PPP3CA: variants seen among roughly 807,000 people sequenced by gnomAD.
PPP3CA encodes protein phosphatase 3 catalytic subunit alpha, also known as CAM-PRP catalytic subunit.
A neutral mutation model predicts 66.5 loss-of-function variants in PPP3CA; 14 were observed. The ratio of observed to expected loss-of-function variants is 0.21; its 90% CI spans 0.14 to 0.33. PPP3CA has a LOEUF of 0.33. Ranked by LOEUF, PPP3CA falls within the 10% of genes least tolerant of loss-of-function variation. PPP3CA has a pLI of 1.00. For missense variants in PPP3CA, 317 were observed against 639.5 expected (o/e 0.50, Z 5.44); for synonymous variants, 232 against 226.2 (o/e 1.03, Z -0.23).
At chr4:101,171,280 A>G (rs1723869500) in intron 2 of PPP3CA, 1 of 453,892 alleles carries the variant, frequency 2.2e-6, no homozygotes, top group Non-Finnish European at 4.4e-6. Flanking sequence ...CCACAATAGG[A>G]GCTAAACATG....
intron 1 of PPP3CA, among the ~76,000 whole-genome samples, chr4:101,294,544 A>ATAT (rs10635787): frequency 0.87 from 132,604 of 152,034 alleles, 58,123 homozygotes; most frequent in African/African-American, 0.97. Context: ...TTAATCATTT[A>ATAT]TATTAAGGCC....
intron 10 of PPP3CA, among the ~76,000 whole-genome samples, chr4:101,048,221 G>A (rs1000348402): frequency 1.3e-5 from 2 of 152,134 alleles, no homozygotes; most frequent in African/African-American, 4.8e-5. Context: ...TCCAGCCAAG[G>A]TGCCTTCTCA....
At chr4:101,032,621 A>AGAT (rs1162772162) in intron 11 of PPP3CA, among the ~76,000 whole-genome samples, 3 of 152,128 alleles carry the variant, frequency 2.0e-5, no homozygotes, top group African/African-American at 4.8e-5. Flanking sequence ...TATCGAAGCT[A>AGAT]GATAGATAAA....
At chr4:101,256,073 C>T (rs1309177370) in intron 1 of PPP3CA, among the ~76,000 whole-genome samples, 1 of 151,890 alleles carries the variant, frequency 6.6e-6, no homozygotes, top group African/African-American at 2.4e-5. Context: ...TGCCCCTGAA[C>T]AGGGGTGCTG....
intron 2 of PPP3CA, among the ~76,000 whole-genome samples, chr4:101,159,934 T>TA (rs1347103925): frequency 1.3e-5 from 2 of 152,102 alleles, no homozygotes; most frequent in African/African-American, 4.8e-5. Flanking sequence ...GTATTATTCT[T>TA]AAAGTTACAA....
At chr4:101,026,082 A>T (rs540451049) in intron 13 of PPP3CA, 21 bp from the exon 14 acceptor site, 1 of 1,564,996 alleles carries the variant, frequency 6.4e-7, no homozygotes. Context: ...AATCATTAAA[A>T]AAAGAAAACC....
At chr4:101,328,562 A>G (rs1729275532) in intron 1 of PPP3CA, among the ~76,000 whole-genome samples, 2 of 152,222 alleles carry the variant, frequency 1.3e-5, no homozygotes, top group Non-Finnish European at 2.9e-5. Flanking sequence ...CAACAAAAAT[A>G]TGAAAATGAA....
intron 2 of PPP3CA, among the ~76,000 whole-genome samples, chr4:101,134,281 A>C (rs1003345691): frequency 5.3e-5 from 8 of 152,222 alleles, no homozygotes; most frequent in Admixed American, 5.2e-4. Context: ...AGCAAAAGAA[A>C]CTATCATCAG....
chr4:101,242,660 G>A lies in PPP3CA; in HGVS notation c.59-46544C>T, dbSNP rs11941702. Reference sequence around the variant, plus strand: ...ACATTAAGAAATCTGGGCCAGGTGTGGTTGCTCATGCCTGTAATTTTGGGA... The same window carrying A: ...ACATTAAGAAATCTGGGCCAGGTGTAGTTGCTCATGCCTGTAATTTTGGGA... On this transcript the variant is annotated intron_variant, in intron 1 of 13. Coordinates refer to ENST00000394854, the MANE Select transcript of PPP3CA (RefSeq NM_000944.5). Among the ~76,000 whole-genome samples the A allele has an allele frequency of 2.7e-3, 413 of 152,168 alleles. 4 individuals carry two copies. The highest frequency in any genetic ancestry group is 9.1e-3 in the African/African-American group (379 of 41,518).
intron 1 of PPP3CA, among the ~76,000 whole-genome samples, chr4:101,251,889 G>A (rs1726689454): frequency 6.6e-6 from 1 of 152,106 alleles, no homozygotes; most frequent in African/African-American, 2.4e-5. Context: ...GGTACTGACT[G>A]TTGAAGTAAT....
At chr4:101,069,186 C>T (rs973561129) in intron 8 of PPP3CA, among the ~76,000 whole-genome samples, 4 of 152,176 alleles carry the variant, frequency 2.6e-5, no homozygotes, top group Admixed American at 2.0e-4. Context: ...AGGCACACAC[C>T]ACCATGCCTG....
chr4:101,208,234 C>T lies in PPP3CA; in HGVS notation c.59-12118G>A, dbSNP rs181720928. ...GGATATGTTAAGTGAAAAGTAATCA[C>T]ACACACACACACACAATCAGATGAT... On this transcript the variant is annotated intron_variant, in intron 1 of 13. Coordinates refer to ENST00000394854, the MANE Select transcript of PPP3CA (RefSeq NM_000944.5). 1.9e-3 allele frequency among the ~76,000 whole-genome samples: 287 copies of T among 151,472 alleles called. 1 individual carries two copies. Among genetic ancestry groups the T allele is most frequent in the Non-Finnish European group, 1.4e-3 (95 of 67,656 alleles).
chr4:101,149,917 C>T (rs1723085325), intron 2 of PPP3CA, among the ~76,000 whole-genome samples: 1 of 152,110 alleles, frequency 6.6e-6, no homozygotes, highest in Admixed American at 6.6e-5. Flanking sequence ...TGCCCACATA[C>T]AGCTGTTATT....
chr4:101,314,874 C>G (rs1171189031), intron 1 of PPP3CA, among the ~76,000 whole-genome samples: 2 of 152,144 alleles, frequency 1.3e-5, no homozygotes, highest in African/African-American at 4.8e-5. Context: ...TTCTTAATTT[C>G]TTCTTTTATA....
intron 2 of PPP3CA, among the ~76,000 whole-genome samples, chr4:101,151,330 C>T (rs1211801876): frequency 2.6e-5 from 4 of 151,844 alleles, no homozygotes; most frequent in African/African-American, 9.7e-5. Context: ...TTTGGGAGGC[C>T]GTGGGTGGAT....
chr4:101,284,721 T>G (rs569696358), intron 1 of PPP3CA, among the ~76,000 whole-genome samples: 11 of 152,212 alleles, frequency 7.2e-5, no homozygotes, highest in African/African-American at 2.6e-4. Context: ...TTGTTTTCAA[T>G]GTCATAGTTA....
At chr4:101,217,273 G>T (rs1445278212) in intron 1 of PPP3CA, among the ~76,000 whole-genome samples, 1 of 152,060 alleles carries the variant, frequency 6.6e-6, no homozygotes, top group African/African-American at 2.4e-5. Context: ...GACAGATTAA[G>T]AAAAAGAGGT....
intron 1 of PPP3CA, among the ~76,000 whole-genome samples, chr4:101,281,002 G>A (rs1015268617): frequency 6.6e-6 from 1 of 152,128 alleles, no homozygotes; most frequent in Non-Finnish European, 1.5e-5. Context: ...AGCCTATGAT[G>A]CAGGAGGAGA....
intron 2 of PPP3CA, among the ~76,000 whole-genome samples, chr4:101,157,680 T>C (rs1432691547): frequency 6.6e-6 from 1 of 152,160 alleles, no homozygotes; most frequent in Admixed American, 6.6e-5. Context: ...ACTTAGATAA[T>C]TTTGATGTTC....
Sources: allele counts gnomAD v4.1 joint callset (sites outside exome capture counted in the v4.1 genomes callset), GRCh38; gene constraint gnomAD v4.1.1; transcripts MANE v1.5; gene names NCBI Gene and HGNC (gene_info 2026-07-23, HGNC 2026-07-21).